The following PRKN variants were observed in gnomAD, a reference collection of about 807,000 sequenced individuals.
PRKN encodes the protein parkin RBR E3 ubiquitin protein ligase.
Under a neutral mutation model 59.5 loss-of-function variants are expected in PRKN, and 56 were observed. That is an observed-to-expected ratio of 0.94 (90% confidence interval 0.76 to 1.18). PRKN has a LOEUF of 1.18. Ranked by LOEUF, PRKN falls within the 50% of genes most tolerant of loss-of-function variation. PRKN has a pLI of 0.00. For missense variants in PRKN, 657 were observed against 596.4 expected (o/e 1.10, Z -1.06); for synonymous variants, 250 against 222.1 (o/e 1.13, Z -1.12).
chr6:162,228,201 C>T (rs1479310595), intron 3 of PRKN, among the ~76,000 whole-genome samples: 6 of 152,142 alleles, frequency 3.9e-5, no homozygotes, highest in East Asian at 1.9e-4. Flanking sequence ...TTTAGAGAGA[C>T]GTGTTTCAAC....
chr6:162,273,645 G>A (rs1316295829), intron 2 of PRKN, among the ~76,000 whole-genome samples: 2 of 152,098 alleles, frequency 1.3e-5, no homozygotes, highest in Admixed American at 6.6e-5. Context: ...GGCTGAAGAA[G>A]GTGAGAAGGA....
chr6:162,311,673 AG>A (rs1205721027), intron 2 of PRKN, among the ~76,000 whole-genome samples: 2 of 151,706 alleles, frequency 1.3e-5, no homozygotes, highest in Admixed American at 6.6e-5. Flanking sequence ...TAGTAGAGAC[AG>A]GGTTTCACCG....
intron 1 of PRKN, among the ~76,000 whole-genome samples, chr6:162,538,305 G>A (rs1778798571): frequency 6.6e-6 from 1 of 152,118 alleles, no homozygotes; most frequent in Non-Finnish European, 1.5e-5. Flanking sequence ...ACTGAGGCAG[G>A]AGAATAGCTT....
At chr6:161,867,194 T>A (rs1794145962) in intron 6 of PRKN, among the ~76,000 whole-genome samples, 1 of 152,204 alleles carries the variant, frequency 6.6e-6, no homozygotes, top group African/African-American at 2.4e-5. Context: ...GAATTAACTG[T>A]TTTTTACCTT....
rs191497681 is a variant in PRKN at position 162,554,294 on chromosome 6, G to A, written c.8-110821C>T. 6.1e-4 allele frequency among the ~76,000 whole-genome samples: 92 copies of A among 152,052 alleles called. No individual in the cohort carries two copies. In the East Asian group the frequency reaches 9.3e-3, roughly 15 times the overall value. On this transcript the variant is annotated intron_variant, in intron 1 of 11. Coordinates refer to ENST00000366898, the MANE Select transcript of PRKN (RefSeq NM_004562.3). ...TGAGGCGGGCGGATCACCTGAGGTCGGGAGTTCATGACCAGCCTGACCAAC... is the reference window on the plus strand; with the variant it reads ...TGAGGCGGGCGGATCACCTGAGGTCAGGAGTTCATGACCAGCCTGACCAAC...
chr6:161,529,636 T>A lies in PRKN; in HGVS notation c.1083+19218A>T, dbSNP rs1234602372. ...AGTCTACTCATAGGATTACGGCAAC[T>A]CAGTTTAAGTGAGGCTGTTTTGGAA... is the stretch of plus-strand genomic sequence containing the variant. On this transcript the variant is annotated intron_variant, in intron 9 of 11. Coordinates refer to ENST00000366898, the MANE Select transcript of PRKN (RefSeq NM_004562.3). This position sits in a 1 kb window ranked among gnomAD's most constrained non-coding sequence, Gnocchi z 4.4. Among the ~76,000 whole-genome samples, 1 of 152,200 alleles carries A rather than the reference T, an allele frequency of 6.6e-6. No homozygotes were observed. Among genetic ancestry groups the A allele is most frequent in the East Asian group, 1.9e-4 (1 of 5,194 alleles).
At chr6:162,676,863 G>T (rs1019830045) in intron 1 of PRKN, among the ~76,000 whole-genome samples, 1 of 151,940 alleles carries the variant, frequency 6.6e-6, no homozygotes, top group South Asian at 2.1e-4. Flanking sequence ...GAGTTTGTGA[G>T]CAGCCTGGCC....
At chr6:162,406,536 T>C (rs1234612888) in intron 2 of PRKN, among the ~76,000 whole-genome samples, 4 of 152,240 alleles carry the variant, frequency 2.6e-5, no homozygotes, top group African/African-American at 9.6e-5. Flanking sequence ...GCAAATATTC[T>C]ATGAAACACA....
intron 1 of PRKN, among the ~76,000 whole-genome samples, chr6:162,665,017 T>C (rs1340258517): frequency 3.9e-5 from 6 of 152,142 alleles, no homozygotes; most frequent in Non-Finnish European, 4.4e-5. Flanking sequence ...AAACTAGATA[T>C]CGATGGAACA....
intron 1 of PRKN, among the ~76,000 whole-genome samples, chr6:162,707,416 T>C (rs970847964): frequency 7.2e-5 from 11 of 152,198 alleles, no homozygotes; most frequent in African/African-American, 2.7e-4. Flanking sequence ...ATGTTCAGTC[T>C]ACTGTATTTA....
Position 162,091,608 on chromosome 6 carries a change from T to C in PRKN, c.535-37434A>G, listed in dbSNP as rs79048636. The stretch of plus-strand genomic sequence containing the variant: ...CAGGTGAACTCTCTGCAGGCACCGA[T>C]CGTCTGGTTTTCTAAAAGTATACAG... On this transcript the variant is annotated intron_variant, in intron 4 of 11. Transcript: ENST00000366898. Among the ~76,000 whole-genome samples the C allele has an allele frequency of 6.4e-3, 973 of 152,346 alleles. 14 individuals are homozygous for C. The highest frequency in any genetic ancestry group is 0.022 in the African/African-American group (909 of 41,578).
intron 4 of PRKN, among the ~76,000 whole-genome samples, chr6:162,176,388 G>A (rs1251310130): frequency 6.6e-6 from 1 of 152,132 alleles, no homozygotes; most frequent in Non-Finnish European, 1.5e-5. Flanking sequence ...ACCGTCTCGT[G>A]GATAATACCA....
chr6:161,982,059 A>G (rs1373533191), intron 5 of PRKN, among the ~76,000 whole-genome samples: 1 of 152,156 alleles, frequency 6.6e-6, no homozygotes, highest in African/African-American at 2.4e-5. Flanking sequence ...TAATATAACA[A>G]CCCACATCCG....
intron 9 of PRKN, among the ~76,000 whole-genome samples, chr6:161,478,903 A>G (rs1348752029): frequency 6.6e-6 from 1 of 152,212 alleles, no homozygotes; most frequent in Admixed American, 6.5e-5. Context: ...TTATGTGGAT[A>G]TACTAATGCA....
At chr6:161,725,794 G>A (rs1787417249) in intron 7 of PRKN, among the ~76,000 whole-genome samples, 3 of 152,212 alleles carry the variant, frequency 2.0e-5, no homozygotes. Flanking sequence ...TAAATGAGAT[G>A]ATTTTGGCAA....
At chr6:162,200,970 C>T (rs1253702735) in intron 4 of PRKN, among the ~76,000 whole-genome samples, 161 bp downstream of exon 4, 1 of 152,142 alleles carries the variant, frequency 6.6e-6, no homozygotes, top group Non-Finnish European at 1.5e-5. Context: ...AAGACAAAGG[C>T]GCATAAACGA....
chr6:162,189,654 A>G (rs1784188938), intron 4 of PRKN, among the ~76,000 whole-genome samples: 2 of 151,884 alleles, frequency 1.3e-5, no homozygotes, highest in Admixed American at 1.3e-4. Flanking sequence ...GGGGACCCAA[A>G]TAATCAAGAC....
At chr6:161,598,925 G>A (rs1782013752) in intron 7 of PRKN, among the ~76,000 whole-genome samples, 1 of 152,154 alleles carries the variant, frequency 6.6e-6, no homozygotes, top group East Asian at 1.9e-4. Flanking sequence ...ATTAAGATAA[G>A]GTCATGAGGG....
chr6:162,720,514 A>C (rs1049075722), intron 1 of PRKN, among the ~76,000 whole-genome samples: 1 of 139,408 alleles, frequency 7.2e-6, no homozygotes, highest in South Asian at 2.2e-4. Flanking sequence ...GCAGTGGCGC[A>C]ATCTCGGCTC....
Sources: allele counts gnomAD v4.1 joint callset (sites outside exome capture counted in the v4.1 genomes callset), GRCh38; gene constraint gnomAD v4.1.1; non-coding constraint Gnocchi (gnomAD v3.1); transcripts MANE v1.5; gene names NCBI Gene and HGNC (gene_info 2026-07-23, HGNC 2026-07-21).